Variants in GLRA3 observed in about 807,000 individuals in gnomAD.
GLRA3 encodes the protein glycine receptor subunit alpha-3.
A neutral mutation model predicts 60.4 loss-of-function variants in GLRA3; 44 were observed. The ratio of observed to expected loss-of-function variants is 0.73; its 90% CI spans 0.57 to 0.94. The LOEUF (loss-of-function observed/expected upper bound fraction) is 0.94, where lower values mean the gene tolerates loss of function less well. Among genes scored for constraint, GLRA3 ranks in the 40% least tolerant of loss-of-function variants. The pLI, the probability that GLRA3 is intolerant of heterozygous loss-of-function variation, is 0.00. For synonymous variants in GLRA3, 223 were observed against 192.9 expected (o/e 1.16, Z -1.29); for missense variants, 508 against 564.6 (o/e 0.90, Z 1.02).
chr4:174,697,956 C>T (rs897766658), intron 5 of GLRA3, among the ~76,000 whole-genome samples: 1 of 152,048 alleles, frequency 6.6e-6, no homozygotes, highest in African/African-American at 2.4e-5. Flanking sequence ...TGCCCGACTA[C>T]CTTTTTGGAA....
intron 7 of GLRA3, among the ~76,000 whole-genome samples, chr4:174,666,431 C>T (rs963473621): frequency 1.3e-5 from 2 of 151,354 alleles, no homozygotes; most frequent in African/African-American, 4.8e-5. Flanking sequence ...CATGTATGTC[C>T]CCCAGCAGTA....
chr4:174,795,877 C>T (rs565739258), intron 1 of GLRA3, among the ~76,000 whole-genome samples: 1 of 151,754 alleles, frequency 6.6e-6, no homozygotes, highest in African/African-American at 2.4e-5. Context: ...TGGTTCCCTT[C>T]TTAATACGGT....
intron 2 of GLRA3, among the ~76,000 whole-genome samples, chr4:174,771,464 G>GGAATA (rs1253698607): frequency 6.8e-6 from 1 of 147,810 alleles, no homozygotes; most frequent in Non-Finnish European, 1.5e-5. Flanking sequence ...TTTTTTTCTT[G>GGAATA]GAATAGCAAT....
chr4:174,761,095 T>C (rs1233982433), intron 3 of GLRA3, among the ~76,000 whole-genome samples: 3 of 152,150 alleles, frequency 2.0e-5, no homozygotes, highest in African/African-American at 7.2e-5. Flanking sequence ...ATTTGTACTG[T>C]TTAATTTCTT....
At chr4:174,675,366 T>C (rs1414367544) in intron 7 of GLRA3, among the ~76,000 whole-genome samples, 4 of 152,152 alleles carry the variant, frequency 2.6e-5, no homozygotes, top group Admixed American at 2.6e-4. Flanking sequence ...TCTGTGTTTT[T>C]AATTTATTGC....
At chr4:174,774,504 T>C (rs1028752600) in intron 2 of GLRA3, among the ~76,000 whole-genome samples, 2 of 151,920 alleles carry the variant, frequency 1.3e-5, no homozygotes, top group Non-Finnish European at 2.9e-5. Flanking sequence ...AAATCTGACA[T>C]GGTCCACCAT....
intron 5 of GLRA3, among the ~76,000 whole-genome samples, chr4:174,701,402 T>G (rs893515419): frequency 6.6e-6 from 1 of 152,186 alleles, no homozygotes; most frequent in South Asian, 2.1e-4. Context: ...ATATCACTGC[T>G]GATGCCAATT....
chr4:174,658,953 C>T, intron 8 of GLRA3, 101 bp downstream of exon 8: 1 of 948,968 alleles, frequency 1.1e-6, no homozygotes, highest in Non-Finnish European at 1.6e-6. Flanking sequence ...TCATTTCATC[C>T]CCAGTCCCAA....
chr4:174,755,190 A>G (rs577674091), intron 3 of GLRA3, among the ~76,000 whole-genome samples: 1 of 152,190 alleles, frequency 6.6e-6, no homozygotes, highest in South Asian at 2.1e-4. Flanking sequence ...CTCTTTTTGG[A>G]AAAAAATAGT....
intron 3 of GLRA3, among the ~76,000 whole-genome samples, chr4:174,734,524 G>C (rs1039029943): frequency 6.6e-6 from 1 of 152,100 alleles, no homozygotes; most frequent in Non-Finnish European, 1.5e-5. Flanking sequence ...GGCTTAAAAG[G>C]TTATCTTAAA....
intron 5 of GLRA3, among the ~76,000 whole-genome samples, chr4:174,703,221 T>C (rs1735390951): frequency 2.0e-5 from 3 of 152,146 alleles, no homozygotes; most frequent in African/African-American, 7.2e-5. Flanking sequence ...AGTGGAACAT[T>C]TGTCATACAA....
intron 3 of GLRA3, among the ~76,000 whole-genome samples, chr4:174,742,769 G>T (rs1737076585): frequency 6.6e-6 from 1 of 152,190 alleles, no homozygotes; most frequent in South Asian, 2.1e-4. Flanking sequence ...ATTACTGGAA[G>T]ATAATTGCTA....
In GLRA3 at chr4:174,728,718, G is replaced by C. The variant is rs772040931; in HGVS notation, c.268-20C>G. ...GTAATCCTATGATAAAATAATGAAA[G>C]AAAGAAAAAAAAAAACCCTGCTTTA... On this transcript the variant is annotated intron_variant, in intron 3 of 9. Transcript: ENST00000274093. 1.5e-6 allele frequency: 2 copies of C among 1,354,796 alleles called. No homozygotes were observed. The highest frequency in any genetic ancestry group is 1.3e-5 in the South Asian group (1 of 77,064). 83.9% of individuals were successfully genotyped at this position (1,354,796 alleles called of 1,614,324 possible).
chr4:174,681,967 A>G lies in GLRA3; in HGVS notation c.712+835T>C, dbSNP rs117024217. On this transcript the variant is annotated intron_variant, in intron 6 of 9. Coordinates refer to ENST00000274093, the MANE Select transcript of GLRA3 (RefSeq NM_006529.4). ...CCGATATTGTGAATTTGCTAAGGAG[A>G]TAAGAGAGACTAGGGACTTTGAATA... is the stretch of plus-strand genomic sequence containing the variant. 1.7e-3 allele frequency among the ~76,000 whole-genome samples: 256 copies of G among 152,320 alleles called. 1 individual carries two copies. The East Asian group carries it at 0.034, about 20-fold the overall frequency.
At chr4:174,783,222 G>T (rs1267446043) in intron 2 of GLRA3, among the ~76,000 whole-genome samples, 1 of 150,318 alleles carries the variant, frequency 6.7e-6, no homozygotes, top group Non-Finnish European at 1.5e-5. Flanking sequence ...ATGGGGAAAG[G>T]ATTCCCTATT....
At chr4:174,753,888 C>T (rs1737581026) in intron 3 of GLRA3, among the ~76,000 whole-genome samples, 1 of 152,114 alleles carries the variant, frequency 6.6e-6, no homozygotes, top group African/African-American at 2.4e-5. Flanking sequence ...AAAGGAAACT[C>T]TACAATGATA....
chr4:174,698,645 G>A (rs1379669334), intron 5 of GLRA3, among the ~76,000 whole-genome samples: 1 of 152,090 alleles, frequency 6.6e-6, no homozygotes, highest in African/African-American at 2.4e-5. Context: ...AGCATTTGAA[G>A]AGTATTATTA....
chr4:174,827,066 T>C lies in GLRA3; in HGVS notation c.71+1675A>G, dbSNP rs189394466. ...GAAAAACTTGATGAAGAATATAAGT[T>C]ATGAAGTAAACTTTTGTATGTTGTA... On this transcript the variant is annotated intron_variant, in intron 1 of 9. Transcript: ENST00000274093. Among the ~76,000 whole-genome samples, 4 of 152,124 alleles carry C rather than the reference T, an allele frequency of 2.6e-5. No individual in the cohort carries two copies. The East Asian group carries it at 5.8e-4, about 22-fold the overall frequency.
chr4:174,787,393 TC>T (rs1739164761), intron 2 of GLRA3, among the ~76,000 whole-genome samples: 1 of 152,148 alleles, frequency 6.6e-6, no homozygotes, highest in African/African-American at 2.4e-5. Context: ...TTTTTGAAGA[TC>T]AACTACTAAT....
Sources: gnomAD v4.1 joint callset for allele counts (sites outside exome capture counted in the v4.1 genomes callset) on GRCh38, gnomAD v4.1.1 for gene constraint, MANE v1.5 for transcripts, NCBI Gene and HGNC (gene_info 2026-07-23, HGNC 2026-07-21) for gene names.